RELA: variants seen among roughly 807,000 people sequenced by gnomAD.
The protein encoded by RELA is RELA proto-oncogene, NF-kB subunit.
RELA carries 14 observed loss-of-function variants against 56.7 expected under a neutral mutation model. That is an observed-to-expected ratio of 0.25 (90% CI 0.16 to 0.39). The LOEUF (loss-of-function observed/expected upper bound fraction) is 0.39. Ranked by LOEUF, RELA falls within the 10% of genes least tolerant of loss-of-function variation. The probability of loss-of-function intolerance (pLI) is 1.00; values close to 1 mark genes in which losing one functional copy is unlikely to be tolerated. For missense variants in RELA, 559 were observed against 736.4 expected (o/e 0.76, Z 2.79); for synonymous variants, 315 against 289.7 (o/e 1.09, Z -0.89).
Position 65,658,309 on chromosome 11 carries a change from T to A in RELA, c.855A>T (p.Glu285Asp), listed in dbSNP as rs1323750358. Residue 285 changes from glutamate (E) to aspartate (D), a missense_variant, in exon 8 of 11, where the codon GAA (glutamate) becomes GAT (aspartate). By Grantham distance (45) the Glu-to-Asp change is conservative. This residue lies in a region of RELA where 365 missense variants were observed against 387.5 expected (regional missense o/e 0.94). Coordinates refer to ENST00000406246, the MANE Select transcript of RELA (RefSeq NM_021975.4). The surrounding 1 kb of genome is among the most constrained non-coding windows in gnomAD (Gnocchi z 4.5). Reference protein sequence around the residue: ...PSDRELSEPMEFQYLPDTDDR... With the variant: ...PSDRELSEPMDFQYLPDTDDR... ...TACCTGTATCTGGCAGGTACTGGAA[T>A]TCCATGGGCTCACTGAGCTCCCGGT... The A allele has an allele frequency of 6.2e-7, 1 of 1,605,460 alleles. No individual in the cohort carries two copies. Among genetic ancestry groups the A allele is most frequent in the Non-Finnish European group, 8.5e-7 (1 of 1,176,794 alleles).
rs375033007 is a variant in RELA at position 65,658,363 on chromosome 11, A to G, written c.801T>C (p.Arg267=). The change falls in exon 8 of 11, where the codon CGT becomes CGC. Residue 267 remains arginine (R), a synonymous_variant. Coordinates refer to ENST00000406246, the MANE Select transcript of RELA (RefSeq NM_021975.4). This position sits in a 1 kb window ranked among gnomAD's most constrained non-coding sequence, Gnocchi z 4.5. ...AAGGCCGCCGCAGCTGCATGGAGAC[A>G]CGCACAGGAGCCTGCAGGCTGGGGT... The part of the protein sequence containing the change: ...YADPSLQAPV[R]VSMQLRRPSD... The G allele has an allele frequency of 5.0e-6, 8 of 1,613,694 alleles. No homozygotes were observed. In the African/African-American group the frequency reaches 6.7e-5, roughly 13 times the overall value.
intron 8 of RELA, among the ~76,000 whole-genome samples, chr11:65,656,655 A>G (rs1044428794): frequency 3.3e-5 from 5 of 152,248 alleles, no homozygotes; most frequent in African/African-American, 1.2e-4. Context: ...GGCCGTGAGT[A>G]TGCACACAAG....
At chr11:65,660,017 A>T in intron 5 of RELA, 107 bp downstream of exon 5, 1 of 1,253,998 alleles carries the variant, frequency 8.0e-7, no homozygotes, top group African/African-American at 1.5e-5. Context: ...CTGAATGGGC[A>T]CCAAGATTCC....
chr11:65,660,184 T>G lies in RELA; in HGVS notation c.367A>C (p.Lys123Gln). 1 of 1,614,098 alleles carries G rather than the reference T, an allele frequency of 6.2e-7. No individual in the cohort carries two copies. The highest frequency in any genetic ancestry group is 8.5e-7 in the Non-Finnish European group (1 of 1,180,008). Residue 123 changes from lysine to glutamine, a missense_variant, in exon 5 of 11, where the codon AAG (lysine) becomes CAG (glutamine). By Grantham distance (53) the Lys-to-Gln change is moderately conservative (BLOSUM62 1). Around this residue, in one of 4 missense-constraint regions of RELA, gnomAD observed 149 missense variants for 256.0 expected, o/e 0.58. Coordinates refer to ENST00000406246, the MANE Select transcript of RELA (RefSeq NM_021975.4). ...CTGATAGCCTGCTCCAGGTCCCGCT[T>G]CTTCACACACTGGATTCCCAGGTTC... ...FQNLGIQCVK[K>Q]RDLEQAISQR...
intron 1 of RELA, 51 bp from the exon 2 acceptor site, chr11:65,662,256 CA>C (rs762724804): frequency 1.3e-5 from 19 of 1,492,808 alleles, no homozygotes; most frequent in Non-Finnish European, 1.6e-5. Context: ...CCCATTCTCA[CA>C]AGGAGGAATC....
At position 65,654,622 on chromosome 11, in the gene RELA, T is replaced by C. The variant is rs1366985822; in HGVS notation, c.1412A>G (p.Asn471Ser). The C allele has an allele frequency of 6.2e-7, 1 of 1,608,252 alleles. No individual in the cohort carries two copies. The highest frequency in any genetic ancestry group is 8.5e-7 in the Non-Finnish European group (1 of 1,177,786). The change falls in exon 11 of 11, where the codon AAC becomes AGC. Residue 471 changes from asparagine to serine, a missense_variant. Physicochemically the swap from Asn to Ser is conservative, Grantham distance 46. This residue lies in a region of RELA where 365 missense variants were observed against 387.5 expected (regional missense o/e 0.94). Transcript: ENST00000406246. Reference sequence around the variant, plus strand: ...GTTCAGCAGCTGCTGAAACTCGGAGTTGTCGACGGATGCCAGGTCTGTGAA... The same window carrying C: ...GTTCAGCAGCTGCTGAAACTCGGAGCTGTCGACGGATGCCAGGTCTGTGAA... ...AVFTDLASVD[N>S]SEFQQLLNQG...
Position 65,655,954 on chromosome 11 carries a change from G to A in RELA, c.878-19C>T. On this transcript the variant is annotated intron_variant, in intron 8 of 10. Coordinates refer to ENST00000406246, the MANE Select transcript of RELA (RefSeq NM_021975.4). ...CGATCGTCTGGGAAAGTAAGGGGGA[G>A]AAGTGGGACTTGCTCTCCTCAGGTG... The A allele has an allele frequency of 6.2e-7, 1 of 1,611,098 alleles. No individual in the cohort carries two copies. The highest frequency in any genetic ancestry group is 8.5e-7 in the Non-Finnish European group (1 of 1,177,498).
At chr11:65,660,081 G>C (rs1856526265) in intron 5 of RELA, 43 bp downstream of exon 5, 8 of 1,566,238 alleles carry the variant, frequency 5.1e-6, no homozygotes, top group Non-Finnish European at 7.0e-6. Context: ...GGGCTGGGGA[G>C]GGTGACAGAG....
At chr11:65,659,579 C>T (rs570177739) in intron 6 of RELA, 87 bp downstream of exon 6, 599 of 1,496,330 alleles carry the variant, frequency 4.0e-4, no homozygotes, top group Admixed American at 7.5e-4. Flanking sequence ...GAAGCCAGAG[C>T]GCCTCTTGCA....
At position 65,658,596 on chromosome 11, in the gene RELA, G is replaced by A. The variant is rs922492587; in HGVS notation, c.665-97C>T. The A allele has an allele frequency of 1.0e-5, 14 of 1,390,886 alleles. No homozygotes were observed. Among genetic ancestry groups the A allele is most frequent in the African/African-American group, 2.8e-5 (2 of 70,452 alleles). 86.2% of individuals were successfully genotyped at this position (1,390,886 alleles called of 1,614,324 possible). ...CTTGTCTTCTGATACATCACCCTTC[G>A]GCCCACCTGAGGCCCCCGAGGCACA... On this transcript the variant is annotated intron_variant, in intron 7 of 10. Transcript: ENST00000406246. This position sits in a 1 kb window ranked among gnomAD's most constrained non-coding sequence, Gnocchi z 4.5.
chr11:65,659,839 G>A (rs1856520071), intron 5 of RELA, 42 bp from the exon 6 acceptor site: 4 of 1,577,700 alleles, frequency 2.5e-6, no homozygotes, highest in African/African-American at 2.7e-5. Context: ...GGGAAGTGGG[G>A]ATATAGGTGC....
At chr11:65,655,404 TAG>T in intron 10 of RELA, 1 of 586,810 alleles carries the variant, frequency 1.7e-6, no homozygotes, top group Admixed American at 3.1e-5. Context: ...CTTGCTAATT[TAG>T]AGGTGATTTT....
In RELA at chr11:65,659,793, A is replaced by G; in HGVS notation, c.432T>C (p.Pro144=). 1 of 1,610,172 alleles carries G rather than the reference A, an allele frequency of 6.2e-7. No individual in the cohort carries two copies. The highest frequency in any genetic ancestry group is 8.5e-7 in the Non-Finnish European group (1 of 1,177,958). ...CGTAGTCCCCACGCTGCTCTTCTAT[A>G]GGAACTGCCAAGAAAACAGGCGATC... is the stretch of plus-strand genomic sequence containing the variant. ...IQTNNNPFQV[P]IEEQRGDYDL... Residue 144 remains proline (P), a synonymous_variant, in exon 6 of 11, where the codon CCT becomes CCC. Coordinates refer to ENST00000406246, the MANE Select transcript of RELA (RefSeq NM_021975.4).
In RELA at chr11:65,655,873, T is replaced by C. The variant is rs1191351823; in HGVS notation, c.940A>G (p.Lys314Glu). 2 of 1,614,012 alleles carry C rather than the reference T, an allele frequency of 1.2e-6. No homozygotes were observed. Among genetic ancestry groups the C allele is most frequent in the Non-Finnish European group, 1.7e-6 (2 of 1,180,024 alleles). Residue 314 changes from lysine to glutamate, a missense_variant, in exon 9 of 11, where the codon AAG becomes GAG. Physicochemically the swap from Lys to Glu is moderately conservative, Grantham distance 56. This residue lies in a region of RELA where 365 missense variants were observed against 387.5 expected (regional missense o/e 0.94). Coordinates refer to ENST00000406246, the MANE Select transcript of RELA (RefSeq NM_021975.4). Reference sequence around the variant, plus strand: ...ATCTCACCGCTGAAAGGACTCTTCTTCATGATGCTCTTGAAGGTCTCATAT... The same window carrying C: ...ATCTCACCGCTGAAAGGACTCTTCTCCATGATGCTCTTGAAGGTCTCATAT... The part of the protein sequence containing the change: ...RTYETFKSIM[K>E]KSPFSGPTDP...
At chr11:65,656,406 C>A (rs1181253077) in intron 8 of RELA, among the ~76,000 whole-genome samples, 1 of 152,024 alleles carries the variant, frequency 6.6e-6, no homozygotes, top group Non-Finnish European at 1.5e-5. Flanking sequence ...TTTCTAATTA[C>A]AGTGGTATTT....
intron 10 of RELA, 97 bp downstream of exon 10, chr11:65,655,591 T>C (rs763034419): frequency 8.6e-7 from 1 of 1,167,894 alleles, no homozygotes; most frequent in Non-Finnish European, 1.3e-6. Context: ...TCTGATTCAG[T>C]AGGTCTGTAA....
chr11:65,659,754 C>T lies in RELA; in HGVS notation c.471G>A (p.Val157=). Residue 157 remains valine (V), a synonymous_variant, in exon 6 of 11, where the codon GTG becomes GTA. Coordinates refer to ENST00000406246, the MANE Select transcript of RELA (RefSeq NM_021975.4). ...GCACTGTCACCTGGAAGCAGAGCCG[C>T]ACAGCATTCAGGTCGTAGTCCCCAC... ...EQRGDYDLNA[V]RLCFQVTVRD... The T allele has an allele frequency of 6.2e-7, 1 of 1,613,968 alleles. No individual in the cohort carries two copies. Among genetic ancestry groups the T allele is most frequent in the Non-Finnish European group, 8.5e-7 (1 of 1,180,000 alleles).
chr11:65,655,131 C>T, intron 10 of RELA, 131 bp from the exon 11 acceptor site: 1 of 734,054 alleles, frequency 1.4e-6, no homozygotes, highest in South Asian at 1.7e-5. Context: ...AACACCCTAT[C>T]TCCTTCCTCT....
In RELA at chr11:65,658,887, A is replaced by T. The variant is rs547851449; in HGVS notation, c.560-65T>A. The T allele has an allele frequency of 3.3e-5, 43 of 1,315,264 alleles. No individual in the cohort carries two copies. Among genetic ancestry groups the T allele is most frequent in the Non-Finnish European group, 4.4e-5 (40 of 908,572 alleles). The allele number at this position is 1,315,264 out of a possible 1,614,324, so 81.5% of individuals were successfully genotyped here. ...AGAGGTCCCCAGGGTGGCCTGCAGG[A>T]GATGCAACTTCCCTGCCCAGCCCAG... is the stretch of plus-strand genomic sequence containing the variant. On this transcript the variant is annotated intron_variant, in intron 6 of 10. Coordinates refer to ENST00000406246, the MANE Select transcript of RELA (RefSeq NM_021975.4). This position sits in a 1 kb window ranked among gnomAD's most constrained non-coding sequence, Gnocchi z 4.5.
Sources: allele counts gnomAD v4.1 joint callset (sites outside exome capture counted in the v4.1 genomes callset), GRCh38; gene constraint gnomAD v4.1.1; regional missense constraint gnomAD v4.1.1; non-coding constraint Gnocchi (gnomAD v3.1); transcripts MANE v1.5; gene names NCBI Gene and HGNC (gene_info 2026-07-23, HGNC 2026-07-21).